Variants in WDFY3 observed in about 807,000 individuals in gnomAD.
WDFY3 encodes the protein WD repeat and FYVE domain-containing protein 3.
WDFY3 carries 66 observed loss-of-function variants against 409.6 expected under a neutral mutation model. That is an observed-to-expected ratio of 0.16 (90% CI 0.13 to 0.20). WDFY3 has a LOEUF of 0.20. WDFY3 is among the 10% of genes least tolerant of loss of function. The pLI, the probability that WDFY3 is intolerant of heterozygous loss-of-function variation, is 1.00. For synonymous variants in WDFY3, 1,521 were observed against 1,537.1 expected, an observed-to-expected ratio of 0.99 and a Z score of 0.25; for missense variants, 3,031 against 4,298.1, an observed-to-expected ratio of 0.71 and a Z score of 8.24.
chr4:84,698,304 A>T (rs1363084172), intron 56 of WDFY3, among the ~76,000 whole-genome samples: 1 of 145,186 alleles, frequency 6.9e-6, no homozygotes, highest in African/African-American at 2.6e-5. Context: ...TTTTTTTTTG[A>T]GACAGGGTCT....
At chr4:84,701,017 C>T (rs571002913) in intron 56 of WDFY3, among the ~76,000 whole-genome samples, 3 of 152,218 alleles carry the variant, frequency 2.0e-5, no homozygotes, top group African/African-American at 4.8e-5. Flanking sequence ...GGCTGCAGCA[C>T]GAGAATTGCT....
intron 15 of WDFY3, among the ~76,000 whole-genome samples, chr4:84,807,780 T>TG (rs913977181): frequency 2.5e-4 from 38 of 152,236 alleles, no homozygotes; most frequent in African/African-American, 8.9e-4. Flanking sequence ...AAGTAAGTAT[T>TG]GGGGTGGGTT....
Position 84,850,280 on chromosome 4 carries a change from A to G in WDFY3, c.181-255T>C, listed in dbSNP as rs1279014304. ...AAGACCCATAGACATTATTGATAAA[A>G]TTTGAATCAATCTCACGAAAAACAT... On this transcript the variant is annotated intron_variant, in intron 4 of 67. Coordinates refer to ENST00000295888, the MANE Select transcript of WDFY3 (RefSeq NM_014991.6). Among the ~76,000 whole-genome samples the G allele has an allele frequency of 2.0e-5, 3 of 152,098 alleles. No individual in the cohort carries two copies. The South Asian group carries it at 6.2e-4, about 31-fold the overall frequency.
chr4:84,766,671 T>C (rs190279986), intron 30 of WDFY3, among the ~76,000 whole-genome samples: 3 of 152,338 alleles, frequency 2.0e-5, no homozygotes, highest in African/African-American at 7.2e-5. Context: ...ATGAGGACCA[T>C]GTGAATAAAA....
intron 51 of WDFY3, among the ~76,000 whole-genome samples, chr4:84,712,232 G>C (rs1733025085): frequency 6.6e-6 from 1 of 151,786 alleles, no homozygotes; most frequent in South Asian, 2.1e-4. Flanking sequence ...ACTGAGGCTT[G>C]AATCAGCCTC....
At chr4:84,782,554 C>T (rs759683101) in intron 25 of WDFY3, among the ~76,000 whole-genome samples, 1 of 152,172 alleles carries the variant, frequency 6.6e-6, no homozygotes, top group African/African-American at 2.4e-5. Context: ...CTTCCCCTGA[C>T]AGGCCCTGGT....
chr4:84,917,833 T>C (rs897030727), intron 2 of WDFY3, among the ~76,000 whole-genome samples: 1 of 151,838 alleles, frequency 6.6e-6, no homozygotes, highest in Non-Finnish European at 1.5e-5. Flanking sequence ...GAAATAATAT[T>C]CCCAACATTC....
chr4:84,715,535 G>T, intron 49 of WDFY3, 152 bp from the exon 50 acceptor site: 1 of 478,060 alleles, frequency 2.1e-6, no homozygotes, highest in East Asian at 3.7e-5. Context: ...AGCACTTTGG[G>T]AGGCCAAGGC....
At chr4:84,863,814 A>C (rs1265695129) in intron 3 of WDFY3, among the ~76,000 whole-genome samples, 1 of 152,122 alleles carries the variant, frequency 6.6e-6, no homozygotes, top group Non-Finnish European at 1.5e-5. Context: ...TCACCATTCC[A>C]TGTTCTCAGA....
At chr4:84,905,374 T>C (rs1478340374) in intron 2 of WDFY3, among the ~76,000 whole-genome samples, 2 of 151,990 alleles carry the variant, frequency 1.3e-5, no homozygotes, top group African/African-American at 4.8e-5. Flanking sequence ...TTGACTTCCC[T>C]TTTCACTGAC....
intron 2 of WDFY3, among the ~76,000 whole-genome samples, chr4:84,931,409 G>A (rs1353419901): frequency 6.6e-6 from 1 of 152,164 alleles, no homozygotes; most frequent in Non-Finnish European, 1.5e-5. Context: ...TTGGGATCTG[G>A]ATTATAAGGT....
chr4:84,942,831 A>T (rs1167846342), intron 1 of WDFY3, among the ~76,000 whole-genome samples: 1 of 152,136 alleles, frequency 6.6e-6, no homozygotes, highest in Non-Finnish European at 1.5e-5. Context: ...AAGTATGTAT[A>T]TGTTTTGCAA....
chr4:84,921,752 G>C (rs1295543092), intron 2 of WDFY3, among the ~76,000 whole-genome samples: 1 of 146,344 alleles, frequency 6.8e-6, no homozygotes, highest in African/African-American at 2.5e-5. Context: ...CCACCTCCTG[G>C]GTTCAAGCAA....
chr4:84,913,389 G>GT (rs1554014958), intron 2 of WDFY3, among the ~76,000 whole-genome samples: 1 of 152,122 alleles, frequency 6.6e-6, no homozygotes, highest in Non-Finnish European at 1.5e-5. Flanking sequence ...GCACGATTTC[G>GT]TAAGATGTAT....
intron 25 of WDFY3, among the ~76,000 whole-genome samples, chr4:84,781,270 T>A (rs952464492): frequency 1.3e-5 from 2 of 152,070 alleles, no homozygotes; most frequent in African/African-American, 4.8e-5. Flanking sequence ...TAAAGAGGCA[T>A]TGTTTGAATG....
At chr4:84,921,869 T>C (rs1433652680) in intron 2 of WDFY3, among the ~76,000 whole-genome samples, 2 of 151,680 alleles carry the variant, frequency 1.3e-5, no homozygotes, top group Admixed American at 1.3e-4. Flanking sequence ...CTTAGCCAGG[T>C]TGGTCTTCAA....
At chr4:84,675,042 G>C (rs550412816) in intron 67 of WDFY3, among the ~76,000 whole-genome samples, 1 of 151,554 alleles carries the variant, frequency 6.6e-6, no homozygotes, top group Admixed American at 6.6e-5. Context: ...GTGATCTCGG[G>C]TCACTGCAAC....
intron 1 of WDFY3, among the ~76,000 whole-genome samples, chr4:84,955,326 A>G (rs1012810068): frequency 6.6e-6 from 1 of 152,220 alleles, no homozygotes; most frequent in Admixed American, 6.5e-5. Context: ...TTACATGACT[A>G]TATCTAGGGC....
At chr4:84,675,746 T>C (rs961319627) in intron 67 of WDFY3, among the ~76,000 whole-genome samples, 3 of 152,104 alleles carry the variant, frequency 2.0e-5, no homozygotes, top group African/African-American at 7.2e-5. Flanking sequence ...TAAGGCAATA[T>C]AAGCCTTAAA....
Sources: gnomAD v4.1 joint callset for allele counts (sites outside exome capture counted in the v4.1 genomes callset) on GRCh38, gnomAD v4.1.1 for gene constraint, MANE v1.5 for transcripts, NCBI Gene and HGNC (gene_info 2026-07-23, HGNC 2026-07-21) for gene names.